Variants in TLN2 observed in about 807,000 individuals in gnomAD.
TLN2 encodes talin 2.
In TLN2, 118 loss-of-function variants were observed where a neutral mutation model predicts 294.7. That is an observed-to-expected ratio of 0.40 (90% CI 0.34 to 0.47). The LOEUF (loss-of-function observed/expected upper bound fraction) is 0.47. Among genes scored for constraint, TLN2 ranks in the 20% least tolerant of loss-of-function variants. The pLI is 0.84. For missense variants in TLN2, 3,083 were observed against 3,282.2 expected, an observed-to-expected ratio of 0.94 and a Z score of 1.48; for synonymous variants, 1,431 against 1,304.5, an observed-to-expected ratio of 1.10 and a Z score of -2.09.
intron 14 of TLN2, among the ~76,000 whole-genome samples, chr15:62,695,344 C>T (rs747085772): frequency 2.0e-5 from 3 of 152,168 alleles, no homozygotes; most frequent in Admixed American, 6.5e-5. Flanking sequence ...GAAGGTCTAG[C>T]GATGGGGACA....
chr15:62,594,730 C>G (rs1001517034), intron 2 of TLN2, among the ~76,000 whole-genome samples: 5 of 152,208 alleles, frequency 3.3e-5, no homozygotes, highest in African/African-American at 9.6e-5. Context: ...GGGAAAAGCT[C>G]TGTGACATTG....
In TLN2 at chr15:62,750,291, C is replaced by G. The variant is rs1251087847; in HGVS notation, c.4120-111C>G. The G allele has an allele frequency of 9.3e-6, 8 of 862,856 alleles. No individual in the cohort carries two copies. In the East Asian group the frequency reaches 2.0e-4, roughly 21 times the overall value. The allele number at this position is 862,856 out of a possible 1,614,324, so 53.4% of individuals were successfully genotyped here. A position where few individuals can be genotyped will look rare whatever the true frequency, so the allele number is the denominator to read the frequency against. On this transcript the variant is annotated intron_variant, in intron 33 of 58. Transcript: ENST00000636159. ...TCTCAAACATCTGAGTAAAAGTGATCATGACCAGAAACTTGTGTATGGAGG... is the reference window on the plus strand; with the variant it reads ...TCTCAAACATCTGAGTAAAAGTGATGATGACCAGAAACTTGTGTATGGAGG...
chr15:62,800,847 T>TA, intron 50 of TLN2, 78 bp downstream of exon 50: 4 of 1,252,926 alleles, frequency 3.2e-6, no homozygotes, highest in Non-Finnish European at 4.5e-6. Context: ...TGAGGTTTTT[T>TA]ACCAATGAGG....
chr15:62,524,626 C>A (rs551646589), intron 1 of TLN2, among the ~76,000 whole-genome samples: 76 of 152,234 alleles, frequency 5.0e-4, no homozygotes, highest in African/African-American at 1.6e-3. Context: ...CTTTAAACAG[C>A]CCTGTTTTGG....
intron 1 of TLN2, among the ~76,000 whole-genome samples, chr15:62,421,357 A>G (rs186461168): frequency 8.5e-5 from 13 of 152,230 alleles, no homozygotes; most frequent in African/African-American, 2.2e-4. Flanking sequence ...TTTTTTAAGC[A>G]TAGAGAGGGG....
intron 1 of TLN2, among the ~76,000 whole-genome samples, chr15:62,399,887 G>A (rs900884127): frequency 6.6e-6 from 1 of 152,152 alleles, no homozygotes; most frequent in Non-Finnish European, 1.5e-5. Context: ...GGTTCATCCT[G>A]CAATGAACTA....
At chr15:62,581,031 C>T (rs937053483) in intron 1 of TLN2, among the ~76,000 whole-genome samples, 1 of 151,852 alleles carries the variant, frequency 6.6e-6, no homozygotes, top group Non-Finnish European at 1.5e-5. Context: ...TTACAGGCGC[C>T]CACCACCATG....
intron 1 of TLN2, among the ~76,000 whole-genome samples, chr15:62,561,817 C>A (rs1007241289): frequency 4.6e-5 from 7 of 152,130 alleles, no homozygotes; most frequent in Non-Finnish European, 8.8e-5. Flanking sequence ...CCTGCTGCTT[C>A]CTCTTGCAGT....
chr15:62,785,726 G>T (rs1388932157), intron 45 of TLN2, among the ~76,000 whole-genome samples: 2 of 150,980 alleles, frequency 1.3e-5, no homozygotes, highest in African/African-American at 4.9e-5. Flanking sequence ...CTTTAAAAAT[G>T]GAATCTACCA....
intron 3 of TLN2, among the ~76,000 whole-genome samples, chr15:62,620,044 T>G (rs564691548): frequency 7.9e-5 from 12 of 152,296 alleles, no homozygotes; most frequent in African/African-American, 2.4e-4. Context: ...GGCCTGCTTA[T>G]GGCTCACTTC....
At chr15:62,470,301 C>T (rs1051657183) in intron 1 of TLN2, among the ~76,000 whole-genome samples, 7 of 152,210 alleles carry the variant, frequency 4.6e-5, no homozygotes, top group African/African-American at 9.6e-5. Context: ...GACAGTCAAC[C>T]GACCCGGGCT....
chr15:62,657,916 T>G lies in TLN2; in HGVS notation c.788+18T>G. The G allele has an allele frequency of 6.2e-7, 1 of 1,604,966 alleles. No individual in the cohort carries two copies. The highest frequency in any genetic ancestry group is 8.5e-7 in the Non-Finnish European group (1 of 1,175,564). On this transcript the variant is annotated intron_variant, in intron 9 of 58. Transcript: ENST00000636159. Reference sequence around the variant, plus strand: ...TTTTTAGAGTAAATGACATTTTGTTTCTCTTTTTTCTCTTTTCTCCTGTCT... The same window carrying G: ...TTTTTAGAGTAAATGACATTTTGTTGCTCTTTTTTCTCTTTTCTCCTGTCT...
intron 1 of TLN2, among the ~76,000 whole-genome samples, chr15:62,574,883 CAG>C (rs1156392167): frequency 5.9e-5 from 9 of 152,066 alleles, no homozygotes; most frequent in Non-Finnish European, 1.0e-4. Context: ...TCTAAAAATA[CAG>C]AGTCTCAGCT....
chr15:62,718,300 C>A (rs2059912119), intron 24 of TLN2, among the ~76,000 whole-genome samples: 1 of 152,230 alleles, frequency 6.6e-6, no homozygotes, highest in Non-Finnish European at 1.5e-5. Flanking sequence ...GTGGCAGACA[C>A]AAAGTCCAGT....
At chr15:62,392,426 C>T (rs779517013) in intron 1 of TLN2, among the ~76,000 whole-genome samples, 22 of 152,204 alleles carry the variant, frequency 1.4e-4, no homozygotes, top group Non-Finnish European at 2.6e-4. Flanking sequence ...GTACCACTTA[C>T]TTTTCCATTA....
Position 62,615,004 on chromosome 15 carries a change from C to T in TLN2, c.-161-3347C>T, listed in dbSNP as rs148797343. The stretch of plus-strand genomic sequence containing the variant: ...TGTTTTTAGTAGAGATGGGGTTTCA[C>T]CATGTTGGCCAGGTTGGTCTCGAAC... On this transcript the variant is annotated intron_variant, in intron 2 of 58. Transcript: ENST00000636159. Among the ~76,000 whole-genome samples the T allele has an allele frequency of 9.3e-3, 1,410 of 151,950 alleles. 14 individuals carry two copies. The highest frequency in any genetic ancestry group is 0.013 in the Non-Finnish European group (912 of 67,946).
At chr15:62,492,689 C>G (rs921918592) in intron 1 of TLN2, among the ~76,000 whole-genome samples, 3 of 151,732 alleles carry the variant, frequency 2.0e-5, no homozygotes, top group African/African-American at 4.8e-5. Context: ...CCCATAGATT[C>G]AGAATGTCCC....
intron 1 of TLN2, among the ~76,000 whole-genome samples, chr15:62,426,566 G>A (rs906444162): frequency 2.0e-5 from 3 of 152,214 alleles, no homozygotes; most frequent in Non-Finnish European, 2.9e-5. Context: ...CGAATTCTTT[G>A]TATGGTAATG....
intron 1 of TLN2, among the ~76,000 whole-genome samples, chr15:62,428,944 C>T (rs776272806): frequency 2.6e-5 from 4 of 152,162 alleles, no homozygotes; most frequent in Admixed American, 6.5e-5. Flanking sequence ...TTCAGAATCT[C>T]ACCCAGACTC....
Sources: allele counts gnomAD v4.1 joint callset (sites outside exome capture counted in the v4.1 genomes callset), GRCh38; gene constraint gnomAD v4.1.1; transcripts MANE v1.5; gene names NCBI Gene and HGNC (gene_info 2026-07-23, HGNC 2026-07-21).